RABGAP1L: variants seen among roughly 807,000 people sequenced by gnomAD.
The protein encoded by RABGAP1L is RAB GTPase activating protein 1 like.
RABGAP1L carries 63 observed loss-of-function variants against 137.7 expected under a neutral mutation model. That is an observed-to-expected ratio of 0.46 (90% CI 0.37 to 0.56). RABGAP1L has a LOEUF of 0.56. Ranked by LOEUF, RABGAP1L falls within the 20% of genes least tolerant of loss-of-function variation. The pLI is 0.00. For synonymous variants in RABGAP1L, 431 were observed against 433.7 expected, an observed-to-expected ratio of 0.99 and a Z score of 0.08; for missense variants, 1,095 against 1,244.0, an observed-to-expected ratio of 0.88 and a Z score of 1.80.
chr1:174,414,403 C>T (rs927969016), intron 13 of RABGAP1L, among the ~76,000 whole-genome samples: 1 of 151,888 alleles, frequency 6.6e-6, no homozygotes, highest in Non-Finnish European at 1.5e-5. Context: ...GTCTGCTTTT[C>T]GGTTGTATGA....
At chr1:174,328,003 A>ATATATATATATG (rs1680684688) in intron 11 of RABGAP1L, among the ~76,000 whole-genome samples, 1 of 127,470 alleles carries the variant, frequency 7.8e-6, no homozygotes, top group African/African-American at 3.8e-5. Context: ...ATATATATAT[A>ATATATATATATG]TATATATATA....
chr1:174,437,042 G>A (rs1329635439), intron 13 of RABGAP1L, among the ~76,000 whole-genome samples: 2 of 152,306 alleles, frequency 1.3e-5, no homozygotes, highest in Admixed American at 1.3e-4. Flanking sequence ...CAAACAGAAA[G>A]GACATCCACA....
chr1:174,241,383 C>A, intron 4 of RABGAP1L, 100 bp from the exon 5 acceptor site: 1 of 770,176 alleles, frequency 1.3e-6, no homozygotes, highest in Non-Finnish European at 1.9e-6. Context: ...CATAGTAAAA[C>A]TATTTGTTCT....
chr1:174,442,210 T>A (rs1380905046), intron 13 of RABGAP1L, among the ~76,000 whole-genome samples: 1 of 150,802 alleles, frequency 6.6e-6, no homozygotes. Flanking sequence ...ATTTATCAAA[T>A]ATAATTTTAT....
intron 14 of RABGAP1L, among the ~76,000 whole-genome samples, chr1:174,639,570 A>G (rs1674355264): frequency 6.6e-6 from 1 of 152,000 alleles, no homozygotes; most frequent in African/African-American, 2.4e-5. Flanking sequence ...CATATAGTAT[A>G]TTTTCAGCCA....
chr1:174,354,263 T>C (rs1683433433), intron 11 of RABGAP1L, among the ~76,000 whole-genome samples: 1 of 151,646 alleles, frequency 6.6e-6, no homozygotes, highest in African/African-American at 2.4e-5. Context: ...TCAATTTAAT[T>C]TTTATTAATT....
chr1:174,276,987 G>GT (rs1323466070), intron 9 of RABGAP1L, among the ~76,000 whole-genome samples: 1 of 101,732 alleles, frequency 9.8e-6, no homozygotes, highest in African/African-American at 7.9e-5. Context: ...GGATCAGTTT[G>GT]TTTTATCATT....
intron 13 of RABGAP1L, among the ~76,000 whole-genome samples, chr1:174,564,058 G>T (rs949289508): frequency 6.6e-6 from 1 of 152,146 alleles, no homozygotes; most frequent in African/African-American, 2.4e-5. Flanking sequence ...CAGAGTTTGT[G>T]TGCCCCAGCA....
intron 10 of RABGAP1L, among the ~76,000 whole-genome samples, chr1:174,286,714 C>A (rs1676084743): frequency 1.3e-5 from 2 of 151,904 alleles, no homozygotes; most frequent in African/African-American, 4.8e-5. Context: ...CTTAGAACTT[C>A]TTTTGCTTTA....
chr1:174,351,081 A>AG (rs1219059850), intron 11 of RABGAP1L, among the ~76,000 whole-genome samples: 5 of 1,836 alleles, frequency 2.7e-3, no homozygotes, highest in African/African-American at 5.9e-3. Context: ...GGGGAGGGGG[A>AG]GGGGGAGGGG....
At chr1:174,977,799 T>C (rs975770563) in intron 22 of RABGAP1L, among the ~76,000 whole-genome samples, 2 of 152,188 alleles carry the variant, frequency 1.3e-5, no homozygotes, top group African/African-American at 4.8e-5. Context: ...TTATGTCAGA[T>C]AGAGAATAAA....
chr1:174,894,399 A>T (rs757963980), intron 19 of RABGAP1L, among the ~76,000 whole-genome samples: 16 of 152,218 alleles, frequency 1.1e-4, no homozygotes, highest in Non-Finnish European at 2.2e-4. Flanking sequence ...TTTGTTATTG[A>T]CTTGAACTCT....
intron 12 of RABGAP1L, among the ~76,000 whole-genome samples, chr1:174,387,706 A>T (rs10912774): frequency 0.39 from 59,137 of 151,962 alleles, 14,528 homozygotes; most frequent in African/African-American, 0.7. Context: ...TGAGGTAGAA[A>T]TGACAGGGTT....
At chr1:174,892,823 A>G (rs554121061) in intron 19 of RABGAP1L, 18 of 277,920 alleles carry the variant, frequency 6.5e-5, no homozygotes, top group African/African-American at 4.0e-4. Context: ...TCCGCCTCCC[A>G]GGTTCAAGCG....
chr1:174,456,408 T>C (rs1412516173), intron 13 of RABGAP1L, among the ~76,000 whole-genome samples: 27 of 152,134 alleles, frequency 1.8e-4, no homozygotes, highest in Admixed American at 1.7e-3. Context: ...TTTTGGAAAG[T>C]ACTAATTTTA....
chr1:174,693,387 A>C (rs1679011694), intron 15 of RABGAP1L, among the ~76,000 whole-genome samples: 1 of 152,218 alleles, frequency 6.6e-6, no homozygotes, highest in African/African-American at 2.4e-5. Context: ...GTTACAAATT[A>C]AATGATAAAA....
chr1:174,654,000 A>T (rs1412826691), intron 14 of RABGAP1L, among the ~76,000 whole-genome samples: 1 of 152,194 alleles, frequency 6.6e-6, no homozygotes, highest in East Asian at 1.9e-4. Flanking sequence ...AAAATAGGGA[A>T]GGAGCTGGGA....
intron 11 of RABGAP1L, 141 bp downstream of exon 11, chr1:174,305,268 A>G: frequency 1.2e-6 from 1 of 858,548 alleles, no homozygotes; most frequent in Non-Finnish European, 1.6e-6. Context: ...TACAAGGTGC[A>G]GAAAAGAATT....
At chr1:174,633,045 G>A (rs1673571274) in intron 13 of RABGAP1L, among the ~76,000 whole-genome samples, 1 of 152,046 alleles carries the variant, frequency 6.6e-6, no homozygotes, top group Non-Finnish European at 1.5e-5. Context: ...CAGTCAGGCA[G>A]GAGAAGGAAA....
Sources: allele counts gnomAD v4.1 joint callset (sites outside exome capture counted in the v4.1 genomes callset), GRCh38; gene constraint gnomAD v4.1.1; transcripts MANE v1.5; gene names NCBI Gene and HGNC (gene_info 2026-07-23, HGNC 2026-07-21).